Variants in MYO1E observed in about 807,000 individuals in gnomAD.
The protein encoded by MYO1E is myosin IE.
A neutral mutation model predicts 151.1 loss-of-function variants in MYO1E; 68 were observed. The observed-to-expected ratio is 0.45, with a 90% CI of 0.37 to 0.55. The LOEUF (loss-of-function observed/expected upper bound fraction) is 0.55. MYO1E is among the 20% of genes least tolerant of loss of function. MYO1E has a pLI of 0.00. For synonymous variants in MYO1E, 601 were observed against 501.7 expected (o/e 1.20, Z -2.64); for missense variants, 1,363 against 1,389.3 (o/e 0.98, Z 0.30).
intron 1 of MYO1E, among the ~76,000 whole-genome samples, chr15:59,336,201 T>C (rs1001735742): frequency 6.6e-6 from 1 of 151,978 alleles, no homozygotes; most frequent in Admixed American, 6.6e-5. Flanking sequence ...CAAAACGCCA[T>C]GTCTAAAAAA....
intron 1 of MYO1E, among the ~76,000 whole-genome samples, chr15:59,305,039 C>T (rs1187218865): frequency 6.6e-6 from 1 of 152,194 alleles, no homozygotes; most frequent in Non-Finnish European, 1.5e-5. Context: ...GAGCACCTGA[C>T]CAGCGTCGAG....
intron 2 of MYO1E, among the ~76,000 whole-genome samples, chr15:59,265,502 A>C (rs557624062): frequency 3.3e-5 from 5 of 152,238 alleles, no homozygotes; most frequent in African/African-American, 1.2e-4. Flanking sequence ...ATATTCAGGA[A>C]AAAAAACAAA....
Position 59,161,142 on chromosome 15 carries a change from G to C in MYO1E, c.2716C>G (p.Leu906Val), listed in dbSNP as rs1292120115. 4.3e-6 allele frequency: 7 copies of C among 1,614,008 alleles called. No homozygotes were observed. Among genetic ancestry groups the C allele is most frequent in the African/African-American group, 4.0e-5 (3 of 74,920 alleles). ...QVQFHQGFGD[L>V]AVLKPSNKVL... ...TTGTTACTGGGCTTGAGGACAGCCA[G>C]GTCCCCAAACCCTTGGTGGAACTGC... The change falls in exon 24 of 28, where the codon CTG (leucine) becomes GTG (valine). Residue 906 changes from leucine (L) to valine (V), a missense_variant. By Grantham distance (32) the Leu-to-Val change is conservative. Transcript: ENST00000288235.
intron 1 of MYO1E, among the ~76,000 whole-genome samples, chr15:59,356,105 TG>T (rs1189015660): frequency 6.6e-6 from 1 of 152,214 alleles, no homozygotes; most frequent in African/African-American, 2.4e-5. Context: ...AACTACCTTT[TG>T]TTAAACAGTT....
At chr15:59,261,306 C>T in intron 3 of MYO1E, 114 bp downstream of exon 3, 1 of 559,780 alleles carries the variant, frequency 1.8e-6, no homozygotes, top group African/African-American at 1.9e-5. Context: ...TCAAGTTTCT[C>T]CAATAAAAAA....
chr15:59,182,810 G>A lies in MYO1E; in HGVS notation c.1905-4273C>T, dbSNP rs149448535. On this transcript the variant is annotated intron_variant, in intron 18 of 27. Transcript: ENST00000288235. ...CAGAGTCAGTTCACACCTCATGCAC[G>A]TATCACAGGGTCCCTTACACCAGCC... Among the ~76,000 whole-genome samples the A allele has an allele frequency of 3.7e-3, 568 of 152,288 alleles. 7 individuals are homozygous for A. Among genetic ancestry groups the A allele is most frequent in the African/African-American group, 0.013 (538 of 41,568 alleles).
At chr15:59,209,711 T>C (rs1412365073) in intron 13 of MYO1E, among the ~76,000 whole-genome samples, 1 of 150,118 alleles carries the variant, frequency 6.7e-6, no homozygotes, top group East Asian at 2.0e-4. Flanking sequence ...AATAAATAAA[T>C]AAGTTGTCTA....
At chr15:59,248,401 G>A (rs904812798) in intron 4 of MYO1E, among the ~76,000 whole-genome samples, 1 of 142,264 alleles carries the variant, frequency 7.0e-6, no homozygotes, top group Admixed American at 7.5e-5. Context: ...CAGGAGAATC[G>A]CTTGAACCCG....
rs56375269 is a variant in MYO1E, at chr15:59,137,741, G to C, written c.3251-285C>G. Among the ~76,000 whole-genome samples the C allele has an allele frequency of 0.3, 45,564 of 152,106 alleles. 7,005 individuals carry two copies. The highest frequency in any genetic ancestry group is 0.41 in the East Asian group (2,140 of 5,168). Reference sequence around the variant, plus strand: ...GAAGCCAGGAAGTGTGGGTGGGACAGACCTCCCCGTTTCTGGGGACAGCCC... The same window carrying C: ...GAAGCCAGGAAGTGTGGGTGGGACACACCTCCCCGTTTCTGGGGACAGCCC... On this transcript the variant is annotated intron_variant, in intron 27 of 27. Transcript: ENST00000288235.
intron 18 of MYO1E, among the ~76,000 whole-genome samples, chr15:59,179,533 G>T (rs1329410472): frequency 6.6e-6 from 1 of 152,166 alleles, no homozygotes; most frequent in Non-Finnish European, 1.5e-5. Context: ...TGCTGTGATT[G>T]AAGCTTTTGA....
chr15:59,137,567 T>G, intron 27 of MYO1E, 111 bp from the exon 28 acceptor site: 1 of 876,694 alleles, frequency 1.1e-6, no homozygotes, highest in Non-Finnish European at 1.9e-6. Flanking sequence ...CATGTTGTTT[T>G]CCCTTTGTTC....
intron 14 of MYO1E, chr15:59,208,214 T>C (rs1469471968): frequency 4.9e-6 from 4 of 819,576 alleles, no homozygotes; most frequent in Non-Finnish European, 7.5e-6. Flanking sequence ...GATTTTCCTA[T>C]TTATTTAGTC....
At chr15:59,199,069 G>A (rs971461432) in intron 16 of MYO1E, among the ~76,000 whole-genome samples, 1 of 152,054 alleles carries the variant, frequency 6.6e-6, no homozygotes, top group South Asian at 2.1e-4. Flanking sequence ...TTCGGATTTT[G>A]GATTTTTTCA....
intron 26 of MYO1E, among the ~76,000 whole-genome samples, chr15:59,151,774 T>C (rs749108746): frequency 2.0e-5 from 3 of 150,616 alleles, no homozygotes; most frequent in African/African-American, 7.4e-5. Flanking sequence ...TTAGGCTGGG[T>C]GCGGTGGCTC....
intron 18 of MYO1E, among the ~76,000 whole-genome samples, chr15:59,183,673 G>T (rs2140322910): frequency 6.6e-6 from 1 of 152,248 alleles, no homozygotes; most frequent in African/African-American, 2.4e-5. Flanking sequence ...TATTCTTTGT[G>T]TTATATGAAA....
At chr15:59,233,933 A>C (rs185659585) in intron 5 of MYO1E, among the ~76,000 whole-genome samples, 11 of 152,124 alleles carry the variant, frequency 7.2e-5, no homozygotes, top group African/African-American at 1.4e-4. Context: ...TAATTATATA[A>C]TAAAATCTTT....
At chr15:59,165,830 C>G (rs2079560280) in intron 22 of MYO1E, among the ~76,000 whole-genome samples, 2 of 152,234 alleles carry the variant, frequency 1.3e-5, no homozygotes, top group Admixed American at 1.3e-4. Context: ...CAGAGTAAAA[C>G]AAGAAGCTCC....
chr15:59,227,825 G>A (rs1211397631), intron 6 of MYO1E, among the ~76,000 whole-genome samples: 1 of 152,160 alleles, frequency 6.6e-6, no homozygotes, highest in East Asian at 1.9e-4. Flanking sequence ...GACTAAATAA[G>A]GATATGCTCT....
chr15:59,258,298 G>A (rs183695221), intron 3 of MYO1E, among the ~76,000 whole-genome samples: 3 of 152,340 alleles, frequency 2.0e-5, no homozygotes, highest in Admixed American at 6.5e-5. Flanking sequence ...AGTGAGCTGA[G>A]ATTGCAGTAT....
Sources: gnomAD v4.1 joint callset for allele counts (sites outside exome capture counted in the v4.1 genomes callset) on GRCh38, gnomAD v4.1.1 for gene constraint, MANE v1.5 for transcripts, NCBI Gene and HGNC (gene_info 2026-07-23, HGNC 2026-07-21) for gene names.